Variants in TDRP observed in about 807,000 individuals in gnomAD.
The protein encoded by TDRP is testis development-related protein.
Under a neutral mutation model 10.5 loss-of-function variants are expected in TDRP, and 12 were observed. The ratio of observed to expected loss-of-function variants is 1.15; its 90% CI spans 0.73 to 1.86. TDRP has a LOEUF of 1.86. TDRP is among the 40% of genes most tolerant of loss of function. The pLI, the probability that TDRP is intolerant of heterozygous loss-of-function variation, is 0.00. For missense variants in TDRP, 353 were observed against 229.2 expected (o/e 1.54, Z -3.49); for synonymous variants, 139 against 95.4 (o/e 1.46, Z -2.67).
At chr8:531,157 A>G (rs1209232221) in intron 1 of TDRP, among the ~76,000 whole-genome samples, 2 of 152,194 alleles carry the variant, frequency 1.3e-5, no homozygotes, top group Non-Finnish European at 2.9e-5. Context: ...AGGGAAAGGC[A>G]GGTGAAATTA....
intron 1 of TDRP, among the ~76,000 whole-genome samples, chr8:503,296 A>T (rs1196725358): frequency 7.3e-6 from 1 of 136,596 alleles, no homozygotes; most frequent in Non-Finnish European, 1.6e-5. Flanking sequence ...ACCTCAGCAC[A>T]CGCCAACATG....
intron 1 of TDRP, among the ~76,000 whole-genome samples, chr8:542,175 T>C (rs968394678): frequency 1.2e-4 from 18 of 152,128 alleles, no homozygotes; most frequent in Admixed American, 5.2e-4. Context: ...AGCTACACAC[T>C]GTGAATGCAA....
chr8:526,422 A>G (rs1802036637), intron 1 of TDRP, among the ~76,000 whole-genome samples: 1 of 152,154 alleles, frequency 6.6e-6, no homozygotes. Flanking sequence ...CTTATTATGA[A>G]GAGATGTTGA....
At chr8:495,975 A>G (rs747132598) in intron 1 of TDRP, among the ~76,000 whole-genome samples, 2 of 152,222 alleles carry the variant, frequency 1.3e-5, no homozygotes, top group Non-Finnish European at 2.9e-5. Flanking sequence ...GACGGGGGAC[A>G]GGCCCTCCAA....
chr8:533,370 G>A (rs574474374), intron 1 of TDRP, among the ~76,000 whole-genome samples: 41 of 152,206 alleles, frequency 2.7e-4, no homozygotes, highest in Non-Finnish European at 4.4e-4. Context: ...GTCAGGGCAC[G>A]CCCTTCTCCT....
At chr8:531,578 T>A (rs964206039) in intron 1 of TDRP, among the ~76,000 whole-genome samples, 5 of 152,200 alleles carry the variant, frequency 3.3e-5, no homozygotes, top group African/African-American at 1.2e-4. Context: ...ACTTTTTATC[T>A]ACGACAAAAA....
chr8:500,678 T>A (rs979374247), intron 1 of TDRP, among the ~76,000 whole-genome samples: 1 of 152,224 alleles, frequency 6.6e-6, no homozygotes, highest in Non-Finnish European at 1.5e-5. Flanking sequence ...ATTATCCCAA[T>A]AAAGCAGATG....
rs1434245407 is a variant in TDRP at position 490,009 on chromosome 8, A to C, written c.*2390T>G. On this transcript the variant is annotated 3_prime_UTR_variant, in exon 3 of 3. Coordinates refer to ENST00000324079, the MANE Select transcript of TDRP (RefSeq NM_001384899.1). ...ACATTAAGGAGGAACCCTTCTCTGA[A>C]GCACATCACTTTCCTATTAAAAAAT... is the stretch of plus-strand genomic sequence containing the variant. 29 of 152,240 alleles carry C rather than the reference A, an allele frequency of 1.9e-4. No homozygotes were observed. Among genetic ancestry groups the C allele is most frequent in the Admixed American group, 1.9e-3 (29 of 15,288 alleles). 9.4% of individuals were successfully genotyped at this position (152,240 alleles called of 1,614,324 possible).
intron 2 of TDRP, among the ~76,000 whole-genome samples, chr8:493,603 G>A (rs1029675255): frequency 6.6e-6 from 1 of 152,228 alleles, no homozygotes; most frequent in Non-Finnish European, 1.5e-5. Flanking sequence ...TATGCCATTG[G>A]TAATATCATT....
intron 1 of TDRP, among the ~76,000 whole-genome samples, chr8:524,970 G>A (rs184671211): frequency 2.6e-5 from 4 of 152,100 alleles, no homozygotes; most frequent in African/African-American, 9.7e-5. Context: ...GAAGATTATA[G>A]AACACCAAGC....
chr8:516,106 A>T (rs995410855), intron 1 of TDRP, among the ~76,000 whole-genome samples: 17 of 152,224 alleles, frequency 1.1e-4, no homozygotes, highest in Admixed American at 3.9e-4. Flanking sequence ...ACATTAAAAA[A>T]ATATATAATT....
intron 1 of TDRP, among the ~76,000 whole-genome samples, chr8:514,161 A>C (rs553503758): frequency 1.3e-5 from 2 of 152,360 alleles, no homozygotes; most frequent in East Asian, 3.9e-4. Context: ...AGATCAAAGT[A>C]AGAGAACTCA....
At chr8:501,236 C>T (rs919380481) in intron 1 of TDRP, among the ~76,000 whole-genome samples, 9 of 152,020 alleles carry the variant, frequency 5.9e-5, no homozygotes, top group South Asian at 2.1e-4. Flanking sequence ...AAAACATGAG[C>T]GTAATGCTCG....
intron 1 of TDRP, among the ~76,000 whole-genome samples, chr8:515,904 C>G (rs1239194799): frequency 6.6e-6 from 1 of 151,444 alleles, no homozygotes; most frequent in African/African-American, 2.4e-5. Flanking sequence ...CAAAAAATGG[C>G]TGAATATAAA....
intron 1 of TDRP, among the ~76,000 whole-genome samples, chr8:505,810 G>C (rs1004541802): frequency 6.6e-6 from 1 of 152,178 alleles, no homozygotes; most frequent in Admixed American, 6.5e-5. Context: ...TCAAACTGCA[G>C]GGTCCAGAGG....
intron 1 of TDRP, among the ~76,000 whole-genome samples, chr8:502,347 G>A (rs1801328419): frequency 6.6e-6 from 1 of 152,166 alleles, no homozygotes; most frequent in African/African-American, 2.4e-5. Context: ...GTCATCAGAT[G>A]AGACCCATCA....
intron 1 of TDRP, among the ~76,000 whole-genome samples, chr8:502,620 T>C (rs1407133841): frequency 2.0e-5 from 3 of 151,880 alleles, no homozygotes; most frequent in African/African-American, 7.3e-5. Flanking sequence ...CAACATGGAA[T>C]CCAGAGCCAC....
chr8:503,211 CA>C (rs745651197), intron 1 of TDRP, among the ~76,000 whole-genome samples: 9 of 151,988 alleles, frequency 5.9e-5, no homozygotes, highest in Non-Finnish European at 7.4e-5. Flanking sequence ...AATCCACAGC[CA>C]CACACTGGAA....
chr8:498,589 G>C (rs974331701), intron 1 of TDRP, among the ~76,000 whole-genome samples: 1 of 152,186 alleles, frequency 6.6e-6, no homozygotes, highest in Non-Finnish European at 1.5e-5. Flanking sequence ...TGAGACTTTG[G>C]ATTTGACTTT....
Sources: allele counts gnomAD v4.1 joint callset (sites outside exome capture counted in the v4.1 genomes callset), GRCh38; gene constraint gnomAD v4.1.1; transcripts MANE v1.5; gene names NCBI Gene and HGNC (gene_info 2026-07-23, HGNC 2026-07-21).